Variants in VSNL1 observed in about 807,000 individuals in gnomAD.
VSNL1 encodes the protein visinin-like protein 1.
A neutral mutation model predicts 20.4 loss-of-function variants in VSNL1; 6 were observed. The ratio of observed to expected loss-of-function variants is 0.29; its 90% CI spans 0.16 to 0.58. VSNL1 has a LOEUF of 0.58. Among genes scored for constraint, VSNL1 ranks in the 20% least tolerant of loss-of-function variants. VSNL1 has a pLI of 0.90. For missense variants in VSNL1, 100 were observed against 234.5 expected (o/e 0.43, Z 3.75); for synonymous variants, 93 against 86.4 (o/e 1.08, Z -0.42).
intron 2 of VSNL1, among the ~76,000 whole-genome samples, chr2:17,609,369 G>T (rs910890095): frequency 6.6e-6 from 1 of 152,180 alleles, no homozygotes; most frequent in South Asian, 2.1e-4. Flanking sequence ...ATAGCTAGCC[G>T]CAGAGAACAC....
chr2:17,578,779 C>G lies in VSNL1; in HGVS notation c.-5-13291C>G, dbSNP rs142638089. Among the ~76,000 whole-genome samples the G allele has an allele frequency of 8.5e-5, 13 of 152,366 alleles. No individual in the cohort carries two copies. In the East Asian group the frequency reaches 1.7e-3, roughly 20 times the overall value. Reference sequence around the variant, plus strand: ...ACTACAATAAAGTGCTTTGTTCCAGCCTTGCTGGATACTTCACAAAGGCCC... The same window carrying G: ...ACTACAATAAAGTGCTTTGTTCCAGGCTTGCTGGATACTTCACAAAGGCCC... On this transcript the variant is annotated intron_variant, in intron 1 of 3. Transcript: ENST00000295156.
intron 2 of VSNL1, among the ~76,000 whole-genome samples, chr2:17,632,330 T>G (rs1347047511): frequency 6.6e-6 from 1 of 151,870 alleles, no homozygotes; most frequent in Non-Finnish European, 1.5e-5. Flanking sequence ...TGAGATGGAG[T>G]CTTGCTGTCG....
chr2:17,637,494 C>T (rs997083242), intron 2 of VSNL1, among the ~76,000 whole-genome samples: 4 of 152,162 alleles, frequency 2.6e-5, no homozygotes, highest in African/African-American at 4.8e-5. Context: ...CCCCACAACA[C>T]CACAAAACTG....
chr2:17,545,248 T>C (rs1663380474), intron 1 of VSNL1, among the ~76,000 whole-genome samples: 1 of 152,092 alleles, frequency 6.6e-6, no homozygotes. Context: ...AGTATCTTTG[T>C]TAGTAACGAA....
At chr2:17,586,750 C>A (rs1304065533) in intron 1 of VSNL1, among the ~76,000 whole-genome samples, 2 of 152,036 alleles carry the variant, frequency 1.3e-5, no homozygotes, top group African/African-American at 4.8e-5. Flanking sequence ...TTATTAACCA[C>A]AATATCAAAT....
intron 2 of VSNL1, among the ~76,000 whole-genome samples, chr2:17,620,384 A>G (rs965724064): frequency 6.6e-6 from 1 of 152,198 alleles, no homozygotes; most frequent in Non-Finnish European, 1.5e-5. Context: ...GCAAAGCGAG[A>G]AGGGCAGGCT....
chr2:17,599,469 A>G (rs999556293), intron 2 of VSNL1, among the ~76,000 whole-genome samples: 1 of 152,230 alleles, frequency 6.6e-6, no homozygotes, highest in Non-Finnish European at 1.5e-5. Context: ...CAAAAATTCA[A>G]AAATCAAAAA....
chr2:17,646,513 C>T (rs953736036), intron 2 of VSNL1, among the ~76,000 whole-genome samples: 2 of 152,174 alleles, frequency 1.3e-5, no homozygotes, highest in African/African-American at 4.8e-5. Flanking sequence ...ACTTCCTCAT[C>T]CACAAAATGG....
chr2:17,642,191 T>C (rs1388979349), intron 2 of VSNL1, among the ~76,000 whole-genome samples: 1 of 151,792 alleles, frequency 6.6e-6, no homozygotes, highest in East Asian at 1.9e-4. Context: ...GTAGCACTTA[T>C]AAAGCACCTA....
At chr2:17,543,392 A>T (rs965091847) in intron 1 of VSNL1, among the ~76,000 whole-genome samples, 2 of 152,202 alleles carry the variant, frequency 1.3e-5, no homozygotes. Context: ...CTGCAGTTAC[A>T]TTCCCACTTT....
chr2:17,589,865 A>G (rs1361490471), intron 1 of VSNL1, among the ~76,000 whole-genome samples: 1 of 152,146 alleles, frequency 6.6e-6, no homozygotes, highest in East Asian at 1.9e-4. Flanking sequence ...TCTTTTCCAA[A>G]CAAGGCAGCC....
chr2:17,592,672 T>A (rs1572352698), intron 2 of VSNL1, among the ~76,000 whole-genome samples: 1 of 35,610 alleles, frequency 2.8e-5, no homozygotes, highest in Admixed American at 4.2e-4. Flanking sequence ...TTTTTTTTTT[T>A]TTTTTTTACC....
At chr2:17,556,246 T>C (rs574651389) in intron 1 of VSNL1, among the ~76,000 whole-genome samples, 1 of 152,274 alleles carries the variant, frequency 6.6e-6, no homozygotes, top group South Asian at 2.1e-4. Context: ...CCAGTGAAAA[T>C]GTAACGTTTA....
At position 17,655,454 on chromosome 2, in the gene VSNL1, T is replaced by TACACAC. The variant is rs1558314361; in HGVS notation, c.*60_*61insACACAC. On this transcript the variant is annotated 3_prime_UTR_variant, in exon 4 of 4. Transcript: ENST00000295156. The surrounding 1 kb of genome is among the most constrained non-coding windows in gnomAD (Gnocchi z 5.2). ...CAATGTTCCATTCAGTCTGCAGCTA[T>TACACAC]TCACACACACACACACACACACACA... 1.0e-5 allele frequency: 8 copies of TACACAC among 765,276 alleles called. No homozygotes were observed. The highest frequency in any genetic ancestry group is 3.3e-4 in the Middle Eastern group (1 of 3,064). The allele number at this position is 765,276 out of a possible 1,614,324, so 47.4% of individuals were successfully genotyped here.
chr2:17,629,959 G>A (rs967027208), intron 2 of VSNL1, among the ~76,000 whole-genome samples: 3 of 152,176 alleles, frequency 2.0e-5, no homozygotes, highest in African/African-American at 7.2e-5. Context: ...CATGCAGATT[G>A]GTTTGTGAGT....
chr2:17,652,108 G>A (rs1319190399), intron 3 of VSNL1, among the ~76,000 whole-genome samples: 1 of 152,164 alleles, frequency 6.6e-6, no homozygotes, highest in Admixed American at 6.5e-5. Flanking sequence ...CTGGCTGGTG[G>A]GAACCAGCCC....
At chr2:17,553,008 C>T (rs1004925115) in intron 1 of VSNL1, among the ~76,000 whole-genome samples, 5 of 151,706 alleles carry the variant, frequency 3.3e-5, no homozygotes, top group African/African-American at 4.9e-5. Context: ...AACAGTCTCT[C>T]GCATATACAA....
chr2:17,651,368 G>A (rs1323883467), intron 3 of VSNL1, among the ~76,000 whole-genome samples: 1 of 152,214 alleles, frequency 6.6e-6, no homozygotes, highest in Non-Finnish European at 1.5e-5. Flanking sequence ...AGAAGCAGAG[G>A]TTTACTGTGG....
intron 1 of VSNL1, among the ~76,000 whole-genome samples, chr2:17,583,957 C>G (rs1320780283): frequency 6.6e-6 from 1 of 152,190 alleles, no homozygotes; most frequent in African/African-American, 2.4e-5. Flanking sequence ...ATAATAGTTA[C>G]TGTTTTTTGG....
Sources: allele counts gnomAD v4.1 joint callset (sites outside exome capture counted in the v4.1 genomes callset), GRCh38; gene constraint gnomAD v4.1.1; non-coding constraint Gnocchi (gnomAD v3.1); transcripts MANE v1.5; gene names NCBI Gene and HGNC (gene_info 2026-07-23, HGNC 2026-07-21).